NRG1: variants seen among roughly 807,000 people sequenced by gnomAD.
The protein encoded by NRG1 is pro-neuregulin-1, membrane-bound isoform.
A neutral mutation model predicts 63.8 loss-of-function variants in NRG1; 18 were observed. The observed-to-expected ratio is 0.28, with a 90% CI of 0.19 to 0.42. The LOEUF (loss-of-function observed/expected upper bound fraction) is 0.42, where lower values mean the gene tolerates loss of function less well. NRG1 is among the 10% of genes least tolerant of loss of function. The probability of loss-of-function intolerance (pLI) is 1.00; values close to 1 mark genes in which losing one functional copy is unlikely to be tolerated. For missense variants in NRG1, 762 were observed against 814.7 expected (o/e 0.94, Z 0.79); for synonymous variants, 302 against 301.3 (o/e 1.00, Z -0.02).
Position 32,052,602 on chromosome 8 carries a change from G to A in NRG1, c.37+413171G>A, listed in dbSNP as rs188756912. 2.2e-3 allele frequency among the ~76,000 whole-genome samples: 333 copies of A among 152,196 alleles called. 1 individual carries two copies. The highest frequency in any genetic ancestry group is 7.1e-3 in the Admixed American group (109 of 15,280). On this transcript the variant is annotated intron_variant, in intron 1 of 10. Transcript: ENST00000519301. ...TAGAGATTTAAGAGTTTATATTTTA[G>A]CAAGCTGTAAAGTCCAGAAATCAAA...
intron 1 of NRG1, among the ~76,000 whole-genome samples, chr8:31,836,239 C>T (rs1357579028): frequency 6.6e-6 from 1 of 152,068 alleles, no homozygotes; most frequent in Admixed American, 6.6e-5. Flanking sequence ...TGAAGATTAT[C>T]GTGGTAAGAC....
intron 1 of NRG1, among the ~76,000 whole-genome samples, chr8:32,529,363 G>T (rs557823162): frequency 4.8e-4 from 73 of 152,254 alleles, no homozygotes; most frequent in Non-Finnish European, 9.0e-4. Context: ...GAAGGCCCAG[G>T]ACATTACTGT....
intron 1 of NRG1, among the ~76,000 whole-genome samples, chr8:31,969,671 T>G (rs974938813): frequency 9.2e-5 from 14 of 152,190 alleles, no homozygotes; most frequent in Admixed American, 3.9e-4. Flanking sequence ...GGTCAATCCA[T>G]TCTCTGGTTT....
At chr8:31,849,451 C>T (rs1827006655) in intron 1 of NRG1, among the ~76,000 whole-genome samples, 1 of 152,222 alleles carries the variant, frequency 6.6e-6, no homozygotes, top group Non-Finnish European at 1.5e-5. Context: ...ATATTAACTT[C>T]ATCAAAAGTT....
chr8:32,130,932 A>G (rs1305691145), intron 1 of NRG1, among the ~76,000 whole-genome samples: 1 of 151,938 alleles, frequency 6.6e-6, no homozygotes, highest in Admixed American at 6.6e-5. Flanking sequence ...TTGCATTCAT[A>G]TTTTTAAAGT....
intron 1 of NRG1, among the ~76,000 whole-genome samples, chr8:32,318,720 T>C (rs1238981847): frequency 6.6e-6 from 1 of 152,238 alleles, no homozygotes; most frequent in African/African-American, 2.4e-5. Flanking sequence ...ATGTTATTTG[T>C]TGATTTACTC....
chr8:31,931,362 C>T (rs1003872971), intron 1 of NRG1, among the ~76,000 whole-genome samples: 1 of 152,124 alleles, frequency 6.6e-6, no homozygotes, highest in Non-Finnish European at 1.5e-5. Context: ...CCATGAAGGT[C>T]CAGGCTTGGA....
intron 2 of NRG1, among the ~76,000 whole-genome samples, chr8:32,597,999 A>C (rs2129538011): frequency 6.6e-6 from 1 of 152,314 alleles, no homozygotes; most frequent in Admixed American, 6.5e-5. Context: ...TAAGGAATGA[A>C]GTTATCTCTA....
chr8:32,637,852 G>C (rs993132211), intron 5 of NRG1, among the ~76,000 whole-genome samples: 3 of 152,086 alleles, frequency 2.0e-5, no homozygotes, highest in Non-Finnish European at 4.4e-5. Flanking sequence ...ATGAATATTA[G>C]TCTCTGAATA....
upstream of NRG1, among the ~76,000 whole-genome samples, chr8:32,546,357 T>C (rs912274455): frequency 6.6e-6 from 1 of 152,092 alleles, no homozygotes; most frequent in Non-Finnish European, 1.5e-5. Flanking sequence ...AATCCCAGAA[T>C]ACATCTTTGC....
At chr8:32,320,468 G>A (rs570330304) in intron 1 of NRG1, among the ~76,000 whole-genome samples, 54 of 152,162 alleles carry the variant, frequency 3.5e-4, no homozygotes, top group Non-Finnish European at 7.1e-4. Flanking sequence ...CTAGAAGCAT[G>A]GCTGGAAAGG....
intron 1 of NRG1, among the ~76,000 whole-genome samples, chr8:31,974,087 G>C (rs1258221085): frequency 6.6e-6 from 1 of 152,188 alleles, no homozygotes; most frequent in African/African-American, 2.4e-5. Context: ...TGTTCTCCAA[G>C]ATGCTGAAAC....
intron 1 of NRG1, among the ~76,000 whole-genome samples, chr8:32,443,638 T>A (rs1284093616): frequency 6.6e-6 from 1 of 152,170 alleles, no homozygotes; most frequent in African/African-American, 2.4e-5. Flanking sequence ...GAACACAAAC[T>A]CCTAGTAAGT....
At chr8:32,054,025 G>A (rs1822433812) in intron 1 of NRG1, among the ~76,000 whole-genome samples, 2 of 152,156 alleles carry the variant, frequency 1.3e-5, no homozygotes, top group Non-Finnish European at 2.9e-5. Context: ...GTGATATAAT[G>A]TAATGGCCTA....
chr8:32,042,162 A>T (rs1201103713), intron 1 of NRG1, among the ~76,000 whole-genome samples: 1 of 152,182 alleles, frequency 6.6e-6, no homozygotes, highest in East Asian at 1.9e-4. Context: ...CAAGATTTAG[A>T]GACTGAGCAT....
At chr8:32,221,846 TA>T (rs1411330824) in intron 1 of NRG1, among the ~76,000 whole-genome samples, 2 of 152,166 alleles carry the variant, frequency 1.3e-5, no homozygotes, top group Admixed American at 6.5e-5. Flanking sequence ...TATATCTTTA[TA>T]TTTTTTTTGC....
chr8:32,603,547 G>A (rs940806557), intron 2 of NRG1, among the ~76,000 whole-genome samples: 3 of 151,730 alleles, frequency 2.0e-5, no homozygotes. Context: ...GTGTGGTCTC[G>A]GCTCACTGCA....
intron 1 of NRG1, among the ~76,000 whole-genome samples, chr8:31,862,736 G>T (rs934927791): frequency 6.6e-6 from 1 of 152,158 alleles, no homozygotes; most frequent in East Asian, 1.9e-4. Context: ...CCTTTATGAA[G>T]ATGTGAAAAT....
intron 1 of NRG1, among the ~76,000 whole-genome samples, chr8:31,838,078 A>G (rs1392767785): frequency 6.6e-6 from 1 of 152,090 alleles, no homozygotes; most frequent in East Asian, 1.9e-4. Flanking sequence ...ACTGATTTAC[A>G]TTCCCACGAG....
Sources: allele counts gnomAD v4.1 joint callset (sites outside exome capture counted in the v4.1 genomes callset), GRCh38; gene constraint gnomAD v4.1.1; transcripts MANE v1.5; gene names NCBI Gene and HGNC (gene_info 2026-07-23, HGNC 2026-07-21).